The following KLHDC4 variants were observed in gnomAD, a reference collection of about 807,000 sequenced individuals.
KLHDC4 encodes the protein kelch domain-containing protein 4.
In KLHDC4, 90 loss-of-function variants were observed where a neutral mutation model predicts 62.4. The ratio of observed to expected loss-of-function variants is 1.44; its 90% CI spans 1.22 to 1.72. KLHDC4 has a LOEUF of 1.72. Among genes scored for constraint, KLHDC4 ranks in the 40% most tolerant of loss-of-function variants. The probability of loss-of-function intolerance (pLI) is 0.00; values close to 1 mark genes in which losing one functional copy is unlikely to be tolerated. For synonymous variants in KLHDC4, 386 were observed against 284.4 expected (o/e 1.36, Z -3.59); for missense variants, 1,025 against 699.7 (o/e 1.47, Z -5.25).
chr16:87,711,963 G>A (rs2035962698), intron 8 of KLHDC4, among the ~76,000 whole-genome samples: 1 of 149,640 alleles, frequency 6.7e-6, no homozygotes, highest in Middle Eastern at 3.6e-3. Flanking sequence ...GCCCTGCAAG[G>A]GGACCCTTCG....
chr16:87,756,370 G>T (rs1046064530), intron 3 of KLHDC4, 29 bp downstream of exon 3: 2 of 1,510,442 alleles, frequency 1.3e-6, no homozygotes, highest in Non-Finnish European at 1.8e-6. Context: ...ACGCAACATG[G>T]GAAGAAAAGA....
At chr16:87,738,665 C>T (rs1295452830) in intron 5 of KLHDC4, among the ~76,000 whole-genome samples, 1 of 132,722 alleles carries the variant, frequency 7.5e-6, no homozygotes, top group Admixed American at 7.5e-5. Context: ...AGCATCTCAT[C>T]CATCCACACA....
intron 6 of KLHDC4, among the ~76,000 whole-genome samples, 196 bp from the exon 7 acceptor site, chr16:87,727,120 C>A (rs114631552): frequency 2.6e-5 from 4 of 152,162 alleles, no homozygotes; most frequent in African/African-American, 9.7e-5. Flanking sequence ...GAGCCAGAGA[C>A]GCCAGTCAGG....
At chr16:87,730,436 A>G (rs1349717200) in intron 6 of KLHDC4, 116 bp downstream of exon 6, 3 of 863,730 alleles carry the variant, frequency 3.5e-6, no homozygotes, top group Non-Finnish European at 5.4e-6. Context: ...AAAGCTCATG[A>G]AGCTGGATTT....
chr16:87,717,957 G>A (rs543561435), intron 7 of KLHDC4, among the ~76,000 whole-genome samples: 1 of 152,300 alleles, frequency 6.6e-6, no homozygotes, highest in South Asian at 2.1e-4. Context: ...GACCATGCAA[G>A]CCAGAGAGGT....
At chr16:87,720,602 G>A (rs368557755) in intron 7 of KLHDC4, among the ~76,000 whole-genome samples, 3 of 152,198 alleles carry the variant, frequency 2.0e-5, no homozygotes, top group South Asian at 2.1e-4. Flanking sequence ...CACGTTTTGC[G>A]GGGCTTGGGA....
intron 5 of KLHDC4, among the ~76,000 whole-genome samples, chr16:87,742,044 A>C (rs983981146): frequency 2.0e-5 from 3 of 152,074 alleles, no homozygotes; most frequent in Admixed American, 1.3e-4. Context: ...AAGGGCAAAA[A>C]CCGTCTTTGT....
At chr16:87,761,029 T>A (rs2045810514) in intron 2 of KLHDC4, among the ~76,000 whole-genome samples, 1 of 151,456 alleles carries the variant, frequency 6.6e-6, no homozygotes, top group Non-Finnish European at 1.5e-5. Context: ...TGAGACTCCA[T>A]CTCAAAAAGA....
intron 5 of KLHDC4, among the ~76,000 whole-genome samples, chr16:87,741,952 G>C (rs1192026686): frequency 2.6e-5 from 4 of 152,152 alleles, no homozygotes; most frequent in African/African-American, 9.7e-5. Flanking sequence ...AGCTCTTCCT[G>C]GACTTCTCAA....
At chr16:87,761,037 A>T (rs555972599) in intron 2 of KLHDC4, among the ~76,000 whole-genome samples, 3 of 152,328 alleles carry the variant, frequency 2.0e-5, no homozygotes, top group Admixed American at 1.3e-4. Context: ...CATCTCAAAA[A>T]GAAAAAAAAA....
intron 5 of KLHDC4, among the ~76,000 whole-genome samples, chr16:87,737,441 A>T (rs2143010262): frequency 6.6e-6 from 1 of 151,966 alleles, no homozygotes; most frequent in East Asian, 1.9e-4. Flanking sequence ...TACAAAAATT[A>T]GCCGAGCGTG....
chr16:87,729,791 T>G (rs960673694), intron 6 of KLHDC4, among the ~76,000 whole-genome samples: 1 of 152,010 alleles, frequency 6.6e-6, no homozygotes, highest in Non-Finnish European at 1.5e-5. Flanking sequence ...GCTCTCAAAG[T>G]GAAGTCCCCT....
chr16:87,728,564 G>T (rs982945077), intron 6 of KLHDC4, among the ~76,000 whole-genome samples: 2 of 152,224 alleles, frequency 1.3e-5, no homozygotes, highest in Non-Finnish European at 2.9e-5. Context: ...TTTATAACCT[G>T]TAAGTTCAAA....
At chr16:87,762,823 T>C (rs1263802899) in intron 1 of KLHDC4, among the ~76,000 whole-genome samples, 1 of 152,146 alleles carries the variant, frequency 6.6e-6, no homozygotes, top group African/African-American at 2.4e-5. Context: ...CACCCGAGCC[T>C]GGCATTTCAA....
In KLHDC4 at chr16:87,714,501, C is replaced by G. The variant is rs779704878; in HGVS notation, c.832G>C (p.Glu278Gln). The change falls in exon 8 of 12, where the codon GAA (glutamate) becomes CAA (glutamine). Residue 278 changes from glutamate to glutamine, a missense_variant. Physicochemically the swap from Glu to Gln is conservative, Grantham distance 29. Transcript: ENST00000270583. ...CCTGGAGGCACAGCACCTCTACCTT[C>G]TCTTCCGTCCTCTGGCTTCAGCAGG... is the stretch of plus-strand genomic sequence containing the variant. ...MFLLKPEDGR[E>Q]DKWVWTRMNP... The G allele has an allele frequency of 5.6e-6, 9 of 1,614,066 alleles. No individual in the cohort carries two copies. The highest frequency in any genetic ancestry group is 5.1e-6 in the Non-Finnish European group (6 of 1,180,040).
intron 5 of KLHDC4, among the ~76,000 whole-genome samples, chr16:87,735,885 C>T (rs779256228): frequency 2.0e-5 from 3 of 152,194 alleles, no homozygotes; most frequent in Admixed American, 6.5e-5. Context: ...CCAGGCCCCT[C>T]GACTGGGCCG....
chr16:87,706,385 G>C (rs933540001), downstream of KLHDC4, among the ~76,000 whole-genome samples: 52 of 129,682 alleles, frequency 4.0e-4, no homozygotes, highest in African/African-American at 1.5e-3. Context: ...GGGTCGGCGT[G>C]GGGGGGTTGG....
intron 7 of KLHDC4, among the ~76,000 whole-genome samples, chr16:87,720,255 C>A (rs1308300022): frequency 6.6e-6 from 1 of 152,170 alleles, no homozygotes; most frequent in Non-Finnish European, 1.5e-5. Flanking sequence ...GACGACTGGT[C>A]CTGGGAGAAG....
downstream of KLHDC4, among the ~76,000 whole-genome samples, chr16:87,705,801 G>GGGGGCA (rs915189981): frequency 2.0e-5 from 3 of 152,208 alleles, no homozygotes; most frequent in Non-Finnish European, 4.4e-5. Flanking sequence ...GGGCGGGGGC[G>GGGGGCA]GGGGCGGGGG....
Sources: allele counts gnomAD v4.1 joint callset (sites outside exome capture counted in the v4.1 genomes callset), GRCh38; gene constraint gnomAD v4.1.1; transcripts MANE v1.5; gene names NCBI Gene and HGNC (gene_info 2026-07-23, HGNC 2026-07-21).